The following FRMPD2 variants were observed in gnomAD, a reference collection of about 807,000 sequenced individuals.
The protein encoded by FRMPD2 is FERM and PDZ domain-containing protein 2.
In FRMPD2, 96 loss-of-function variants were observed where a neutral mutation model predicts 140.1. The observed-to-expected ratio is 0.69, with a 90% confidence interval of 0.58 to 0.81. The LOEUF (loss-of-function observed/expected upper bound fraction) is 0.81, where lower values mean the gene tolerates loss of function less well. Ranked by LOEUF, FRMPD2 falls within the 40% of genes least tolerant of loss-of-function variation. The pLI, the probability that FRMPD2 is intolerant of heterozygous loss-of-function variation, is 0.00. For missense variants in FRMPD2, 1,240 were observed against 1,447.4 expected (o/e 0.86, Z 2.32); for synonymous variants, 449 against 547.6 (o/e 0.82, Z 2.52).
chr10:48,164,299 A>C (rs527303196), intron 27 of FRMPD2, among the ~76,000 whole-genome samples: 1 of 151,350 alleles, frequency 6.6e-6, no homozygotes, highest in Non-Finnish European at 1.5e-5. Flanking sequence ...TCTTTGAGCT[A>C]TTTTACAACT....
At chr10:48,201,444 C>A in intron 14 of FRMPD2, 60 bp from the exon 15 acceptor site, 1 of 1,524,632 alleles carries the variant, frequency 6.6e-7, no homozygotes, top group Non-Finnish European at 9.0e-7. Flanking sequence ...CACTGACGCA[C>A]AACTGCAAGA....
At chr10:48,244,163 G>C (rs144535606) in intron 4 of FRMPD2, among the ~76,000 whole-genome samples, 13,765 of 152,114 alleles carry the variant, frequency 0.09, 764 homozygotes, top group South Asian at 0.13. Flanking sequence ...TTTTTTATTT[G>C]TAGTAGAGAC....
chr10:48,232,207 T>A lies in FRMPD2; in HGVS notation c.1076A>T (p.Asp359Val), dbSNP rs1839866616. ...LNGQHLEVKC[D>V]VESTVGAVFN... Reference sequence around the variant, plus strand: ...GACAGCTCCCACTGTTGATTCAACATCACATTTTACCTCCAGGTGCTGCCC... The same window carrying A: ...GACAGCTCCCACTGTTGATTCAACAACACATTTTACCTCCAGGTGCTGCCC... Residue 359 changes from aspartate to valine, a missense_variant, in exon 10 of 29, where the codon GAT becomes GTT. By Grantham distance (152) the Asp-to-Val change is radical. Around this residue, in one of 6 missense-constraint regions of FRMPD2, gnomAD observed 1,161 missense variants for 1,055.9 expected, o/e 1.10. Coordinates refer to ENST00000374201, the MANE Select transcript of FRMPD2 (RefSeq NM_001018071.4). The A allele has an allele frequency of 6.2e-7, 1 of 1,614,152 alleles. No homozygotes were observed. Among genetic ancestry groups the A allele is most frequent in the Non-Finnish European group, 8.5e-7 (1 of 1,180,018 alleles).
intron 4 of FRMPD2, 102 bp downstream of exon 4, chr10:48,244,682 G>A: frequency 1.2e-6 from 1 of 843,072 alleles, no homozygotes; most frequent in South Asian, 1.4e-5. Context: ...CGGGAGAGTG[G>A]CATTATGTGT....
rs114839138 is a variant in FRMPD2 at position 48,214,437 on chromosome 10, G to C, written c.1456-2328C>G. 2.6e-3 allele frequency among the ~76,000 whole-genome samples: 399 copies of C among 152,302 alleles called. 1 individual carries two copies. The highest frequency in any genetic ancestry group is 9.1e-3 in the African/African-American group (380 of 41,566). On this transcript the variant is annotated intron_variant, in intron 12 of 28. Coordinates refer to ENST00000374201, the MANE Select transcript of FRMPD2 (RefSeq NM_001018071.4). ...AAACTATGAGCTCTCAGTGGTAATG[G>C]TGTGTCAATGTAGGTTCATTGATTG...
intron 7 of FRMPD2, among the ~76,000 whole-genome samples, chr10:48,238,370 C>G (rs778050536): frequency 1.3e-5 from 2 of 152,196 alleles, no homozygotes; most frequent in African/African-American, 2.4e-5. Context: ...ACTTCTCCAC[C>G]CCATGGCTTT....
At chr10:48,203,166 C>A (rs1038799979) in intron 14 of FRMPD2, among the ~76,000 whole-genome samples, 8 of 152,144 alleles carry the variant, frequency 5.3e-5, no homozygotes. Context: ...CATTCACACA[C>A]CCACATACAA....
intron 26 of FRMPD2, among the ~76,000 whole-genome samples, chr10:48,170,723 A>G (rs1340579358): frequency 6.6e-6 from 1 of 151,498 alleles, no homozygotes; most frequent in Non-Finnish European, 1.5e-5. Flanking sequence ...GTGTGAAGAG[A>G]CGTCAGCCAG....
At chr10:48,210,062 T>A (rs1301248067) in intron 13 of FRMPD2, among the ~76,000 whole-genome samples, 2 of 152,200 alleles carry the variant, frequency 1.3e-5, no homozygotes, top group Admixed American at 6.5e-5. Flanking sequence ...TGAATATACC[T>A]AAATGTAACT....
chr10:48,249,169 T>A lies in FRMPD2; in HGVS notation c.161A>T (p.Asp54Val), dbSNP rs151021876. Residue 54 changes from aspartate (D) to valine (V), a missense_variant, in exon 3 of 29, where the codon GAC (aspartate) becomes GTC (valine). Around this residue, in one of 6 missense-constraint regions of FRMPD2, gnomAD observed 1,161 missense variants for 1,055.9 expected, o/e 1.10. Transcript: ENST00000374201. Reference sequence around the variant, plus strand: ...GGCTGACCAGGGGCAAACCACATAGTCCGAGGAATCTGAAACCAAGCCAGT... The same window carrying A: ...GGCTGACCAGGGGCAAACCACATAGACCGAGGAATCTGAAACCAAGCCAGT... ...LLEDLRNDSS[D>V]YVVCPWSALL... is the part of the protein sequence containing the mutation. The A allele has an allele frequency of 7.4e-6, 12 of 1,613,658 alleles. No individual in the cohort carries two copies. The highest frequency in any genetic ancestry group is 1.0e-5 in the Non-Finnish European group (12 of 1,179,874).
chr10:48,163,836 TGGACACTGGGC>T (rs1838021425), intron 27 of FRMPD2, among the ~76,000 whole-genome samples, 165 bp from the exon 28 acceptor site: 1 of 151,212 alleles, frequency 6.6e-6, no homozygotes, highest in Non-Finnish European at 1.5e-5. Context: ...TGCTCCCGGC[TGGACACTGGGC>T]AACACACTCA....
intron 1 of FRMPD2, among the ~76,000 whole-genome samples, chr10:48,256,509 G>T (rs1840493616): frequency 6.6e-6 from 1 of 152,118 alleles, no homozygotes; most frequent in African/African-American, 2.4e-5. Context: ...TCTCCATCAA[G>T]ACACCATCCA....
chr10:48,247,052 A>G (rs1452638205), intron 3 of FRMPD2, among the ~76,000 whole-genome samples: 1 of 152,196 alleles, frequency 6.6e-6, no homozygotes, highest in Non-Finnish European at 1.5e-5. Context: ...CTTCCAGCTC[A>G]CACTCACTCT....
chr10:48,251,085 G>A (rs901174771), intron 2 of FRMPD2, among the ~76,000 whole-genome samples: 2 of 152,042 alleles, frequency 1.3e-5, no homozygotes, highest in African/African-American at 4.8e-5. Context: ...TTACAGGTGT[G>A]AGCCACCGTG....
chr10:48,181,858 C>CAT (rs35165586), intron 20 of FRMPD2, among the ~76,000 whole-genome samples: 2,821 of 79,666 alleles, frequency 0.035, 293 homozygotes, highest in Middle Eastern at 0.088. Context: ...TATATTCCCT[C>CAT]ATATATATAT....
At chr10:48,200,312 A>C (rs1354604721) in intron 15 of FRMPD2, among the ~76,000 whole-genome samples, 2 of 152,180 alleles carry the variant, frequency 1.3e-5, no homozygotes, top group Admixed American at 1.3e-4. Flanking sequence ...TGAACCAACC[A>C]ATCAGAGCTC....
intron 12 of FRMPD2, among the ~76,000 whole-genome samples, chr10:48,213,238 CACAA>C (rs935087452): frequency 2.6e-5 from 4 of 152,190 alleles, no homozygotes; most frequent in Admixed American, 2.6e-4. Context: ...TCAGCTCCAC[CACAA>C]ACAGAGAGAT....
At chr10:48,206,092 C>T (rs751941402) in intron 14 of FRMPD2, among the ~76,000 whole-genome samples, 1 of 152,186 alleles carries the variant, frequency 6.6e-6, no homozygotes. Flanking sequence ...CAGGCAGAGG[C>T]TGTCAGCCAC....
At chr10:48,207,725 C>A (rs1839232789) in intron 13 of FRMPD2, among the ~76,000 whole-genome samples, 1 of 152,192 alleles carries the variant, frequency 6.6e-6, no homozygotes, top group Non-Finnish European at 1.5e-5. Flanking sequence ...GGACCCACAG[C>A]AAGGACCTCT....
Sources: gnomAD v4.1 joint callset for allele counts (sites outside exome capture counted in the v4.1 genomes callset) on GRCh38, gnomAD v4.1.1 for gene constraint, gnomAD v4.1.1 regional missense constraint, MANE v1.5 for transcripts, NCBI Gene and HGNC (gene_info 2026-07-23, HGNC 2026-07-21) for gene names.